AHDC1: variants seen among roughly 807,000 people sequenced by gnomAD.
The protein encoded by AHDC1 is AT-hook DNA binding motif containing 1.
Under a neutral mutation model 87.9 loss-of-function variants are expected in AHDC1, and 7 were observed. That is an observed-to-expected ratio of 0.08 (90% CI 0.05 to 0.15). The LOEUF is 0.15. Ranked by LOEUF, AHDC1 falls within the 10% of genes least tolerant of loss-of-function variation. AHDC1 has a pLI of 1.00. For missense variants in AHDC1, 1,841 were observed against 2,253.2 expected, an observed-to-expected ratio of 0.82 and a Z score of 3.70; for synonymous variants, 1,051 against 1,006.8, an observed-to-expected ratio of 1.04 and a Z score of -0.83.
chr1:27,600,452 T>C (rs1413798028), intron 3 of AHDC1, among the ~76,000 whole-genome samples: 2 of 150,108 alleles, frequency 1.3e-5, no homozygotes, highest in African/African-American at 4.9e-5. Context: ...GAGCTCTGTG[T>C]TCTACAAACC....
At chr1:27,571,827 G>T (rs749801220) in intron 3 of AHDC1, among the ~76,000 whole-genome samples, 27 of 152,106 alleles carry the variant, frequency 1.8e-4, no homozygotes. Context: ...ACACAGTTGC[G>T]GCAGTCGCTA....
chr1:27,572,602 C>T (rs2088569901), intron 3 of AHDC1, among the ~76,000 whole-genome samples: 2 of 152,214 alleles, frequency 1.3e-5, no homozygotes, highest in African/African-American at 2.4e-5. Flanking sequence ...ATGACAACTC[C>T]AATTCCAAAC....
intron 3 of AHDC1, among the ~76,000 whole-genome samples, chr1:27,601,393 A>C (rs1256191820): frequency 6.6e-6 from 1 of 152,192 alleles, no homozygotes; most frequent in East Asian, 1.9e-4. Flanking sequence ...ATGCCTGCCC[A>C]CCTGGGCATC....
At chr1:27,556,943 C>G (rs1483501712) in intron 5 of AHDC1, among the ~76,000 whole-genome samples, 1 of 152,026 alleles carries the variant, frequency 6.6e-6, no homozygotes, top group East Asian at 1.9e-4. Context: ...ACTGATGCCC[C>G]CAAGGGGAGC....
intron 3 of AHDC1, among the ~76,000 whole-genome samples, chr1:27,589,097 G>T (rs995182734): frequency 6.6e-6 from 1 of 152,032 alleles, no homozygotes; most frequent in African/African-American, 2.4e-5. Flanking sequence ...CAGGCCTGGT[G>T]CCAGAGGTGG....
At chr1:27,544,817 C>T (rs114160111) in intron 8 of AHDC1, among the ~76,000 whole-genome samples, 2,692 of 152,320 alleles carry the variant, frequency 0.018, 83 homozygotes, top group African/African-American at 0.061. Flanking sequence ...AGCTGGTCTC[C>T]CTGCTTCAAC....
rs767121025 is a variant in AHDC1, at chr1:27,547,568, C to T, written c.4548G>A (p.Lys1516=). ...ASPPATPKAD[K]EPLEMARPPG... is the part of the protein sequence containing the mutation. ...GGGGCCGGGCCATTTCCAGTGGCTCCTTGTCGGCCTTGGGCGTGGCTGGTG... is the reference window on the plus strand; with the variant it reads ...GGGGCCGGGCCATTTCCAGTGGCTCTTTGTCGGCCTTGGGCGTGGCTGGTG... Residue 1516 remains lysine (K), a synonymous_variant, in exon 8 of 9, where the codon AAG becomes AAA. Coordinates refer to ENST00000673934, the MANE Select transcript of AHDC1 (RefSeq NM_001371928.1). The surrounding 1 kb of genome is among the most constrained non-coding windows in gnomAD (Gnocchi z 4.9). 1.2e-6 allele frequency: 2 copies of T among 1,610,024 alleles called. No individual in the cohort carries two copies. The highest frequency in any genetic ancestry group is 4.5e-5 in the East Asian group (2 of 44,754).
chr1:27,569,252 T>C (rs2020465218), intron 3 of AHDC1, among the ~76,000 whole-genome samples: 1 of 152,144 alleles, frequency 6.6e-6, no homozygotes, highest in Non-Finnish European at 1.5e-5. Flanking sequence ...GTGTGTGACC[T>C]TGGCATCCAA....
Position 27,565,947 on chromosome 1 carries a change from C to G in AHDC1, c.-628-7064G>C, listed in dbSNP as rs1196424064. Among the ~76,000 whole-genome samples, 2 of 152,184 alleles carry G rather than the reference C, an allele frequency of 1.3e-5. No homozygotes were observed. The highest frequency in any genetic ancestry group is 4.8e-5 in the African/African-American group (2 of 41,440). Reference sequence around the variant, plus strand: ...TCTGTAGGCTCTTCAACCTTGCACCCTCCATTTCAGGTTCAACCACATAAG... The same window carrying G: ...TCTGTAGGCTCTTCAACCTTGCACCGTCCATTTCAGGTTCAACCACATAAG... On this transcript the variant is annotated intron_variant, in intron 3 of 8. Coordinates refer to ENST00000673934, the MANE Select transcript of AHDC1 (RefSeq NM_001371928.1). This position sits in a 1 kb window ranked among gnomAD's most constrained non-coding sequence, Gnocchi z 4.6.
At position 27,595,845 on chromosome 1, in the gene AHDC1, TG is replaced by T. The variant is rs113743402; in HGVS notation, c.-629+7551del. ...GGTAAGCATGTGGTGGTTGTGTGTTTGGGGGTATGTGCATGTGAGGTAGCTG... is the reference window on the plus strand; with the variant it reads ...GGTAAGCATGTGGTGGTTGTGTGTTTGGGGTATGTGCATGTGAGGTAGCTG... On this transcript the variant is annotated intron_variant, in intron 3 of 8. Transcript: ENST00000673934. This position sits in a 1 kb window ranked among gnomAD's most constrained non-coding sequence, Gnocchi z 4.0. Among the ~76,000 whole-genome samples, 2,986 of 151,636 alleles carry T rather than the reference TG, an allele frequency of 0.02. 91 individuals are homozygous for T. Among genetic ancestry groups the T allele is most frequent in the African/African-American group, 0.067 (2,762 of 41,262 alleles).
At chr1:27,541,879 C>G (rs1002524523) in intron 8 of AHDC1, among the ~76,000 whole-genome samples, 3 of 152,242 alleles carry the variant, frequency 2.0e-5, no homozygotes, top group African/African-American at 7.2e-5. Context: ...ATCCTCTTCC[C>G]TCGGCCTCCC....
Position 27,593,279 on chromosome 1 carries a change from C to T in AHDC1, c.-629+10118G>A, listed in dbSNP as rs777991936. Among the ~76,000 whole-genome samples the T allele has an allele frequency of 5.9e-5, 9 of 152,184 alleles. No individual in the cohort carries two copies. Among genetic ancestry groups the T allele is most frequent in the Non-Finnish European group, 8.8e-5 (6 of 67,970 alleles). ...ATAGGATTACTTCTGCATGACTGCC[C>T]GCTCCACAGGGTTCCAGAGACCCTC... On this transcript the variant is annotated intron_variant, in intron 3 of 8. Coordinates refer to ENST00000673934, the MANE Select transcript of AHDC1 (RefSeq NM_001371928.1). The surrounding 1 kb of genome is among the most constrained non-coding windows in gnomAD (Gnocchi z 4.9).
chr1:27,537,093 G>A (rs1002143792), intron 8 of AHDC1, among the ~76,000 whole-genome samples: 9 of 152,146 alleles, frequency 5.9e-5, no homozygotes, highest in Admixed American at 2.0e-4. Context: ...CAGAATCTTC[G>A]GGATGGGAAG....
intron 3 of AHDC1, among the ~76,000 whole-genome samples, chr1:27,599,488 G>A (rs1231746590): frequency 3.3e-5 from 5 of 152,164 alleles, no homozygotes; most frequent in African/African-American, 9.7e-5. Context: ...GAGGCCCCCT[G>A]CAGCTGTTCC....
rs2020052314 is a variant in AHDC1, at chr1:27,560,951, T to A, written c.-628-2068A>T. 6.6e-6 allele frequency among the ~76,000 whole-genome samples: 1 copy of A among 151,858 alleles called. No individual in the cohort carries two copies. The highest frequency in any genetic ancestry group is 6.6e-5 in the Admixed American group (1 of 15,250). On this transcript the variant is annotated intron_variant, in intron 3 of 8. Transcript: ENST00000673934. This position sits in a 1 kb window ranked among gnomAD's most constrained non-coding sequence, Gnocchi z 4.1. ...TGTGCCTGCTTCCCTCTTCCCTCCCTCTCCCTCCCTTCCTCTCTCTCTCTC... is the reference window on the plus strand; with the variant it reads ...TGTGCCTGCTTCCCTCTTCCCTCCCACTCCCTCCCTTCCTCTCTCTCTCTC...
rs1480801414 is a variant in AHDC1, at chr1:27,565,090, C to T, written c.-628-6207G>A. Among the ~76,000 whole-genome samples the T allele has an allele frequency of 6.6e-6, 1 of 152,176 alleles. No homozygotes were observed. The highest frequency in any genetic ancestry group is 1.9e-4 in the East Asian group (1 of 5,194). On this transcript the variant is annotated intron_variant, in intron 3 of 8. Coordinates refer to ENST00000673934, the MANE Select transcript of AHDC1 (RefSeq NM_001371928.1). This position sits in a 1 kb window ranked among gnomAD's most constrained non-coding sequence, Gnocchi z 4.6. The stretch of plus-strand genomic sequence containing the variant: ...GGCGACAGATGGCCTGCCGAGGCAG[C>T]GGCGATCTGGGCGGCTGGCAGGCAT...
chr1:27,561,526 G>T lies in AHDC1; in HGVS notation c.-628-2643C>A, dbSNP rs2020082996. Among the ~76,000 whole-genome samples, 1 of 152,194 alleles carries T rather than the reference G, an allele frequency of 6.6e-6. No homozygotes were observed. The highest frequency in any genetic ancestry group is 1.5e-5 in the Non-Finnish European group (1 of 68,034). Reference sequence around the variant, plus strand: ...GGGGAACACAGCAAGGAGGGGTGCAGGGGCTGGGCTGGGACTAAGGCTCCC... The same window carrying T: ...GGGGAACACAGCAAGGAGGGGTGCATGGGCTGGGCTGGGACTAAGGCTCCC... On this transcript the variant is annotated intron_variant, in intron 3 of 8. Coordinates refer to ENST00000673934, the MANE Select transcript of AHDC1 (RefSeq NM_001371928.1). The surrounding 1 kb of genome is among the most constrained non-coding windows in gnomAD (Gnocchi z 4.2).
chr1:27,549,974 G>A lies in AHDC1; in HGVS notation c.2142C>T (p.Gly714=), dbSNP rs767110187. Residue 714 remains glycine, a synonymous_variant, in exon 8 of 9, where the codon GGC becomes GGT. Transcript: ENST00000673934. ...GGTGCCCCAACTCAGTAAGGCCCGG[G>A]CCCCCGACCCCAGCGGCTGCCACGG... The part of the protein sequence containing the change: ...VVAVAAAGVG[G]PGLTELGHPR... The A allele has an allele frequency of 5.6e-6, 9 of 1,605,674 alleles. No homozygotes were observed. In the Admixed American group the frequency reaches 1.5e-4, roughly 27 times the overall value.
intron 3 of AHDC1, among the ~76,000 whole-genome samples, chr1:27,578,532 T>C (rs910495522): frequency 2.0e-5 from 3 of 151,256 alleles, no homozygotes; most frequent in Non-Finnish European, 2.9e-5. Flanking sequence ...GAGGTTGCAG[T>C]GAGCTGAGAT....
Sources: gnomAD v4.1 joint callset for allele counts (sites outside exome capture counted in the v4.1 genomes callset) on GRCh38, gnomAD v4.1.1 for gene constraint, Gnocchi (gnomAD v3.1) non-coding constraint, MANE v1.5 for transcripts, NCBI Gene and HGNC (gene_info 2026-07-23, HGNC 2026-07-21) for gene names.